The following NLGN1 variants were observed in gnomAD, a reference collection of about 807,000 sequenced individuals.
NLGN1 encodes neuroligin 1.
In NLGN1, 12 loss-of-function variants were observed where a neutral mutation model predicts 65.5. The ratio of observed to expected loss-of-function variants is 0.18; its 90% CI spans 0.12 to 0.30. The LOEUF (loss-of-function observed/expected upper bound fraction) is 0.30. Among genes scored for constraint, NLGN1 ranks in the 10% least tolerant of loss-of-function variants. The pLI is 1.00. For missense variants in NLGN1, 750 were observed against 1,007.1 expected (o/e 0.74, Z 3.46); for synonymous variants, 350 against 359.5 (o/e 0.97, Z 0.30).
At chr3:173,772,220 T>C (rs989427846) in intron 3 of NLGN1, among the ~76,000 whole-genome samples, 2 of 152,186 alleles carry the variant, frequency 1.3e-5, no homozygotes, top group Non-Finnish European at 2.9e-5. Flanking sequence ...GTAGGTTTCT[T>C]TTTTTATTTG....
At chr3:174,190,748 CTT>C (rs1448600340) in intron 4 of NLGN1, among the ~76,000 whole-genome samples, 1 of 152,042 alleles carries the variant, frequency 6.6e-6, no homozygotes, top group Non-Finnish European at 1.5e-5. Flanking sequence ...CTGTATATAA[CTT>C]AACTGAATAA....
At chr3:174,152,237 TTA>T (rs1299484561) in intron 4 of NLGN1, among the ~76,000 whole-genome samples, 3 of 152,164 alleles carry the variant, frequency 2.0e-5, no homozygotes, top group African/African-American at 7.2e-5. Context: ...GGAAAAAAGT[TTA>T]TGTCTATATC....
At chr3:174,179,297 C>G (rs1441118613) in intron 4 of NLGN1, among the ~76,000 whole-genome samples, 1 of 151,784 alleles carries the variant, frequency 6.6e-6, no homozygotes, top group African/African-American at 2.4e-5. Flanking sequence ...TCCATGTGTA[C>G]CTGTAGAAAT....
chr3:173,695,165 TA>T lies in NLGN1; in HGVS notation c.493+90082del, dbSNP rs562940268. Among the ~76,000 whole-genome samples the T allele has an allele frequency of 5.9e-3, 889 of 151,872 alleles. 10 individuals carry two copies. The highest frequency in any genetic ancestry group is 0.02 in the African/African-American group (843 of 41,476). On this transcript the variant is annotated intron_variant, in intron 3 of 6. Transcript: ENST00000457714. ...TAAAGTTGCTAATAAATACTTCATT[TA>T]AAAAAAATACTTTTTCAAGAGAAAA...
upstream of NLGN1, among the ~76,000 whole-genome samples, chr3:173,396,060 T>TGGCGGC (rs879786935): frequency 1.7e-4 from 25 of 151,460 alleles, no homozygotes; most frequent in African/African-American, 1.9e-4. Flanking sequence ...CAGGTAGCAG[T>TGGCGGC]GGCGGCGGCG....
chr3:174,031,883 A>G (rs1730110027), intron 4 of NLGN1, among the ~76,000 whole-genome samples: 1 of 152,058 alleles, frequency 6.6e-6, no homozygotes, highest in Non-Finnish European at 1.5e-5. Context: ...ACATTGTGTA[A>G]TTTTAGAAGA....
intron 2 of NLGN1, among the ~76,000 whole-genome samples, chr3:173,559,184 A>G (rs1038782421): frequency 2.0e-5 from 3 of 152,168 alleles, no homozygotes; most frequent in Admixed American, 6.5e-5. Flanking sequence ...CTTGGAATAC[A>G]CTGTGATTTC....
At chr3:173,685,478 T>C (rs1488367607) in intron 3 of NLGN1, among the ~76,000 whole-genome samples, 2 of 152,182 alleles carry the variant, frequency 1.3e-5, no homozygotes, top group African/African-American at 4.8e-5. Context: ...TTAAACAATA[T>C]TGCTGGGTGA....
chr3:174,181,368 A>G (rs2152746699), intron 4 of NLGN1, among the ~76,000 whole-genome samples: 1 of 152,162 alleles, frequency 6.6e-6, no homozygotes, highest in South Asian at 2.1e-4. Context: ...CTGTCTTCTG[A>G]GAAGCATTGT....
At chr3:174,189,318 A>G (rs982434233) in intron 4 of NLGN1, among the ~76,000 whole-genome samples, 1 of 152,022 alleles carries the variant, frequency 6.6e-6, no homozygotes, top group Non-Finnish European at 1.5e-5. Context: ...AGTGGATAGA[A>G]GAATTATGGA....
At chr3:173,929,184 T>C (rs1743584212) in intron 4 of NLGN1, among the ~76,000 whole-genome samples, 1 of 152,170 alleles carries the variant, frequency 6.6e-6, no homozygotes, top group African/African-American at 2.4e-5. Flanking sequence ...AAGTTCTTAC[T>C]TTTCCCTGAT....
At chr3:173,497,892 TTATA>T (rs1343715384) in intron 2 of NLGN1, among the ~76,000 whole-genome samples, 6 of 151,826 alleles carry the variant, frequency 4.0e-5, no homozygotes, top group Non-Finnish European at 7.4e-5. Flanking sequence ...ATAAATATCT[TTATA>T]TATATGAATG....
At chr3:174,215,892 TC>T (rs1484135390) in intron 4 of NLGN1, among the ~76,000 whole-genome samples, 30 of 152,090 alleles carry the variant, frequency 2.0e-4, no homozygotes, top group African/African-American at 7.2e-4. Flanking sequence ...GGGACAACCT[TC>T]CTCTCTCCAT....
chr3:173,501,753 G>T (rs1731163528), intron 2 of NLGN1, among the ~76,000 whole-genome samples: 1 of 151,540 alleles, frequency 6.6e-6, no homozygotes, highest in Admixed American at 6.6e-5. Flanking sequence ...TATGTTCAGT[G>T]TATGTAAAAA....
chr3:173,988,649 T>C (rs900485246), intron 4 of NLGN1, among the ~76,000 whole-genome samples: 1 of 152,194 alleles, frequency 6.6e-6, no homozygotes, highest in Non-Finnish European at 1.5e-5. Context: ...AGAATAGCTA[T>C]GCAGGCAGAA....
chr3:174,169,930 A>AAGT (rs1728207937), intron 4 of NLGN1, among the ~76,000 whole-genome samples: 1 of 152,150 alleles, frequency 6.6e-6, no homozygotes, highest in Non-Finnish European at 1.5e-5. Context: ...GGGAGAGGCA[A>AAGT]AGTCCTGTCC....
At chr3:173,678,641 A>G (rs1223039563) in intron 3 of NLGN1, among the ~76,000 whole-genome samples, 1 of 152,120 alleles carries the variant, frequency 6.6e-6, no homozygotes, top group Admixed American at 6.6e-5. Context: ...TGAAGACAAG[A>G]GATCCTCTGA....
chr3:173,410,000 G>A (rs1712175328), intron 1 of NLGN1, among the ~76,000 whole-genome samples: 1 of 152,122 alleles, frequency 6.6e-6, no homozygotes, highest in South Asian at 2.1e-4. Context: ...ACACAAATGA[G>A]CAAGATAAGG....
At chr3:174,221,012 A>G (rs1738540358) in intron 4 of NLGN1, among the ~76,000 whole-genome samples, 1 of 152,202 alleles carries the variant, frequency 6.6e-6, no homozygotes, top group Admixed American at 6.5e-5. Flanking sequence ...AGGGTTGAAG[A>G]AAACACAGGA....
Sources: allele counts gnomAD v4.1 joint callset (sites outside exome capture counted in the v4.1 genomes callset), GRCh38; gene constraint gnomAD v4.1.1; transcripts MANE v1.5; gene names NCBI Gene and HGNC (gene_info 2026-07-23, HGNC 2026-07-21).